The following ADAMTS17 variants were observed in gnomAD, a reference collection of about 807,000 sequenced individuals.
ADAMTS17 encodes the protein A disintegrin and metalloproteinase with thrombospondin motifs 17.
In ADAMTS17, 113 loss-of-function variants were observed where a neutral mutation model predicts 141.5. The ratio of observed to expected loss-of-function variants is 0.80; its 90% confidence interval spans 0.69 to 0.93. The LOEUF (loss-of-function observed/expected upper bound fraction) is 0.93. ADAMTS17 is among the 40% of genes least tolerant of loss of function. ADAMTS17 has a pLI of 0.00. For missense variants in ADAMTS17, 1,659 were observed against 1,517.9 expected (o/e 1.09, Z -1.54); for synonymous variants, 768 against 630.6 (o/e 1.22, Z -3.27).
intron 7 of ADAMTS17, among the ~76,000 whole-genome samples, chr15:100,242,493 T>C (rs1444290995): frequency 6.6e-6 from 1 of 152,138 alleles, no homozygotes; most frequent in Non-Finnish European, 1.5e-5. Context: ...CTTAAGAACA[T>C]TTCAAAGGGC....
chr15:100,146,795 CT>C (rs1331722453), intron 10 of ADAMTS17, among the ~76,000 whole-genome samples: 1 of 41,070 alleles, frequency 2.4e-5, no homozygotes, highest in Non-Finnish European at 7.2e-5. Context: ...GATGGCCCCC[CT>C]GGGTGTGGTT....
intron 14 of ADAMTS17, among the ~76,000 whole-genome samples, chr15:100,105,911 G>C (rs2036387777): frequency 1.3e-5 from 2 of 152,066 alleles, no homozygotes. Flanking sequence ...GCTGGTCCTG[G>C]AACTCCTGAC....
chr15:100,194,749 C>T (rs2041046920), intron 8 of ADAMTS17, among the ~76,000 whole-genome samples: 1 of 152,180 alleles, frequency 6.6e-6, no homozygotes. Context: ...GGACAAGGCA[C>T]GCTGTCCTGG....
At chr15:100,130,432 A>G (rs2037979246) in intron 12 of ADAMTS17, among the ~76,000 whole-genome samples, 1 of 152,046 alleles carries the variant, frequency 6.6e-6, no homozygotes. Context: ...GCTGGGTGCT[A>G]GAGGGAAATG....
chr15:100,259,098 C>A (rs1281447789), intron 6 of ADAMTS17, among the ~76,000 whole-genome samples: 1 of 152,184 alleles, frequency 6.6e-6, no homozygotes, highest in African/African-American at 2.4e-5. Context: ...ACACCAGAAA[C>A]TATAGATTTT....
At chr15:100,144,042 A>G (rs1451260440) in intron 10 of ADAMTS17, among the ~76,000 whole-genome samples, 5 of 150,154 alleles carry the variant, frequency 3.3e-5, no homozygotes, top group African/African-American at 1.3e-4. Flanking sequence ...TGGTGAATGC[A>G]TAATTATAAA....
intron 15 of ADAMTS17, among the ~76,000 whole-genome samples, chr15:100,082,486 T>C (rs1310316079): frequency 1.3e-5 from 2 of 151,894 alleles, no homozygotes; most frequent in Admixed American, 6.6e-5. Flanking sequence ...CCCCAGCTCA[T>C]GCAATCCTCC....
At chr15:100,104,393 C>A (rs149058598) in intron 14 of ADAMTS17, among the ~76,000 whole-genome samples, 3 of 152,200 alleles carry the variant, frequency 2.0e-5, no homozygotes, top group Admixed American at 1.3e-4. Flanking sequence ...TTGTGACTCA[C>A]TGAAATGAAA....
chr15:100,236,647 G>C (rs2042664391), intron 7 of ADAMTS17, among the ~76,000 whole-genome samples: 1 of 152,182 alleles, frequency 6.6e-6, no homozygotes, highest in African/African-American at 2.4e-5. Flanking sequence ...AGACCAGCCT[G>C]GGAAACGCTG....
At position 100,152,959 on chromosome 15, in the gene ADAMTS17, T is replaced by TA. The variant is rs1320045134; in HGVS notation, c.1323-198_1323-197insT. 0.66 allele frequency among the ~76,000 whole-genome samples: 99,105 copies of TA among 151,134 alleles called. 33,862 individuals carry two copies. Among genetic ancestry groups the TA allele is most frequent in the East Asian group, 0.84 (4,334 of 5,134 alleles). The stretch of plus-strand genomic sequence containing the variant: ...TCCTCTTTTTCTACATGGCCAAATG[T>TA]GAATCTTCGCTCTGAAGGTAGTAAG... On this transcript the variant is annotated intron_variant, in intron 9 of 21. Coordinates refer to ENST00000268070, the MANE Select transcript of ADAMTS17 (RefSeq NM_139057.4).
chr15:100,262,686 C>G (rs1292242912), intron 4 of ADAMTS17, among the ~76,000 whole-genome samples: 1 of 150,948 alleles, frequency 6.6e-6, no homozygotes, highest in Non-Finnish European at 1.5e-5. Context: ...AACTGATCAA[C>G]TTTTCTGTAC....
At chr15:100,191,511 A>C (rs2040915593) in intron 8 of ADAMTS17, among the ~76,000 whole-genome samples, 1 of 152,238 alleles carries the variant, frequency 6.6e-6, no homozygotes. Flanking sequence ...TTTGGAACAG[A>C]GGCTCTGGGT....
chr15:100,285,012 C>T (rs1384202515), intron 3 of ADAMTS17, among the ~76,000 whole-genome samples: 1 of 152,182 alleles, frequency 6.6e-6, no homozygotes, highest in African/African-American at 2.4e-5. Flanking sequence ...GGTCAGGCCT[C>T]AAGCCTTCTC....
At chr15:100,122,449 G>C (rs189914098) in intron 12 of ADAMTS17, among the ~76,000 whole-genome samples, 1 of 152,246 alleles carries the variant, frequency 6.6e-6, no homozygotes, top group East Asian at 1.9e-4. Context: ...CATTTTTTAT[G>C]ACTGTCTCTA....
chr15:100,270,940 C>A (rs189269386), intron 4 of ADAMTS17, among the ~76,000 whole-genome samples: 1 of 151,566 alleles, frequency 6.6e-6, no homozygotes, highest in Non-Finnish European at 1.5e-5. Flanking sequence ...ATCTGGCCAG[C>A]GCTATTCGAC....
Position 100,053,899 on chromosome 15 carries a change from T to C in ADAMTS17, c.2293A>G (p.Met765Val). The change falls in exon 16 of 22, where the codon ATG becomes GTG. Residue 765 changes from methionine to valine, a missense_variant and splice_region_variant. By Grantham distance (21) the Met-to-Val change is conservative. Coordinates refer to ENST00000268070, the MANE Select transcript of ADAMTS17 (RefSeq NM_139057.4). ...KGPTKLPLHL[M>V]VLLFHDQDYG... ...AGTGTGGAAGCCCAGCAAGTTACCA[T>C]CAAGTGCAGCGGTAGTTTGGTTGGT... The C allele has an allele frequency of 6.2e-7, 1 of 1,614,136 alleles. No individual in the cohort carries two copies. The highest frequency in any genetic ancestry group is 2.2e-5 in the East Asian group (1 of 44,880).
Position 100,048,551 on chromosome 15 carries a change from T to A in ADAMTS17, c.2591+306A>T, listed in dbSNP as rs575348920. ...TCCTTCTCCACCAAGACAAAGTAAT[T>A]TGGGGAAGCCAATGGTTAAAAGTGT... On this transcript the variant is annotated intron_variant, in intron 18 of 21. Coordinates refer to ENST00000268070, the MANE Select transcript of ADAMTS17 (RefSeq NM_139057.4). Among the ~76,000 whole-genome samples, 5 of 151,892 alleles carry A rather than the reference T, an allele frequency of 3.3e-5. No individual in the cohort carries two copies. In the South Asian group the frequency reaches 8.3e-4, roughly 25 times the overall value.
At chr15:100,129,837 C>T (rs1344481047) in intron 12 of ADAMTS17, 6 of 152,302 alleles carry the variant, frequency 3.9e-5, no homozygotes, top group African/African-American at 9.7e-5. Flanking sequence ...TCCGCTCCCT[C>T]TAGTGGGCAG....
At chr15:100,285,702 C>T (rs181549536) in intron 3 of ADAMTS17, among the ~76,000 whole-genome samples, 185 of 152,306 alleles carry the variant, frequency 1.2e-3, no homozygotes, top group African/African-American at 4.3e-3. Context: ...ATGACCCGCA[C>T]GAATGCTTGA....
Sources: gnomAD v4.1 joint callset for allele counts (sites outside exome capture counted in the v4.1 genomes callset) on GRCh38, gnomAD v4.1.1 for gene constraint, MANE v1.5 for transcripts, NCBI Gene and HGNC (gene_info 2026-07-23, HGNC 2026-07-21) for gene names.